SYNE1: variants seen among roughly 807,000 people sequenced by gnomAD.
SYNE1 encodes the protein spectrin repeat containing nuclear envelope protein 1.
In SYNE1, 616 loss-of-function variants were observed where a neutral mutation model predicts 1,111.0. The observed-to-expected ratio is 0.55, with a 90% CI of 0.52 to 0.59. The LOEUF (loss-of-function observed/expected upper bound fraction) is 0.59. SYNE1 is among the 20% of genes least tolerant of loss of function. The pLI is 0.00. For missense variants in SYNE1, 10,006 were observed against 10,417.0 expected, an observed-to-expected ratio of 0.96 and a Z score of 1.72; for synonymous variants, 3,855 against 3,825.8, an observed-to-expected ratio of 1.01 and a Z score of -0.28.
chr6:152,176,693 T>C (rs2153136123), intron 129 of SYNE1, 133 bp from the exon 130 acceptor site: 1 of 885,576 alleles, frequency 1.1e-6, no homozygotes, highest in South Asian at 1.4e-5. Flanking sequence ...ACCATGTGGA[T>C]ATCAGCCCAT....
At chr6:152,367,595 A>G (rs527700682) in intron 61 of SYNE1, 29 of 591,904 alleles carry the variant, frequency 4.9e-5, no homozygotes, top group South Asian at 1.6e-4. Context: ...AAAAAGTTAC[A>G]ATTTTATGCC....
At chr6:152,204,091 C>T (rs1269489197) in intron 126 of SYNE1, among the ~76,000 whole-genome samples, 1 of 152,114 alleles carries the variant, frequency 6.6e-6, no homozygotes, top group Non-Finnish European at 1.5e-5. Flanking sequence ...ATCACGGGTG[C>T]TGTGACCCAC....
intron 11 of SYNE1, among the ~76,000 whole-genome samples, chr6:152,491,067 G>A (rs113506221): frequency 0.018 from 2,778 of 152,222 alleles, 47 homozygotes; most frequent in Admixed American, 0.046. Context: ...TTTAATCACC[G>A]TGTGGATGCC....
intron 91 of SYNE1, among the ~76,000 whole-genome samples, chr6:152,303,327 C>T (rs747614199): frequency 2.0e-5 from 3 of 149,334 alleles, no homozygotes; most frequent in East Asian, 3.9e-4. Context: ...TGCTTGAACC[C>T]GGGAGATGGA....
chr6:152,286,705 G>T (rs1472809964), intron 95 of SYNE1, among the ~76,000 whole-genome samples: 1 of 152,162 alleles, frequency 6.6e-6, no homozygotes, highest in Non-Finnish European at 1.5e-5. Flanking sequence ...AGGAGTGCCT[G>T]TGTTTCTTTT....
chr6:152,154,954 C>T lies in SYNE1; in HGVS notation c.24067G>A (p.Ala8023Thr). 6.2e-7 allele frequency: 1 copy of T among 1,614,196 alleles called. No individual in the cohort carries two copies. Among genetic ancestry groups the T allele is most frequent in the South Asian group, 1.1e-5 (1 of 91,082 alleles). Reference sequence around the variant, plus strand: ...ATCACCCCAGAAGAGCTGGGAAAAGCAGCTGTCCTTTCTGAAGACTTCAGC... The same window carrying T: ...ATCACCCCAGAAGAGCTGGGAAAAGTAGCTGTCCTTTCTGAAGACTTCAGC... The part of the protein sequence containing the change: ...DWLKSSERTA[A>T]FPSSSGVIYT... The change falls in exon 133 of 146, where the codon GCT becomes ACT. Residue 8023 changes from alanine (A) to threonine (T), a missense_variant. Coordinates refer to ENST00000367255, the MANE Select transcript of SYNE1 (RefSeq NM_182961.4).
chr6:152,204,324 C>T (rs2076087494), intron 126 of SYNE1, among the ~76,000 whole-genome samples: 1 of 150,106 alleles, frequency 6.7e-6, no homozygotes, highest in African/African-American at 2.5e-5. Context: ...CAAGACTGCA[C>T]CACAGCACTC....
At chr6:152,274,973 A>G (rs2093491868) in intron 98 of SYNE1, among the ~76,000 whole-genome samples, 1 of 152,050 alleles carries the variant, frequency 6.6e-6, no homozygotes, top group Admixed American at 6.6e-5. Flanking sequence ...TGCAGCCTCA[A>G]CCACCTGGGC....
At chr6:152,350,804 C>T in intron 70 of SYNE1, 34 bp from the exon 71 acceptor site, 2 of 1,613,652 alleles carry the variant, frequency 1.2e-6, no homozygotes, top group South Asian at 1.1e-5. Flanking sequence ...TGAGCCTGCT[C>T]ATCTCCGTGG....
chr6:152,265,200 T>C (rs1386513561), intron 100 of SYNE1, among the ~76,000 whole-genome samples: 1 of 122,336 alleles, frequency 8.2e-6, no homozygotes, highest in Non-Finnish European at 1.7e-5. Context: ...AGCAAGACTC[T>C]GTCTCAGAAA....
chr6:152,168,343 C>T, intron 130 of SYNE1: 1 of 595,982 alleles, frequency 1.7e-6, no homozygotes, highest in Non-Finnish European at 3.0e-6. Flanking sequence ...TGCCCGATAA[C>T]ATGACACTGG....
intron 47 of SYNE1, 102 bp downstream of exon 47, chr6:152,401,036 G>T: frequency 8.6e-7 from 1 of 1,167,198 alleles, no homozygotes; most frequent in Non-Finnish European, 1.2e-6. Context: ...GTGTTCATAT[G>T]GGTAACTGAG....
At chr6:152,138,805 T>C (rs2057721321) in intron 140 of SYNE1, among the ~76,000 whole-genome samples, 2 of 152,086 alleles carry the variant, frequency 1.3e-5, no homozygotes, top group Non-Finnish European at 2.9e-5. Context: ...CTCACAATAG[T>C]CTCCATATAT....
intron 3 of SYNE1, among the ~76,000 whole-genome samples, chr6:152,605,910 T>C (rs1219907398): frequency 6.6e-6 from 1 of 152,180 alleles, no homozygotes; most frequent in Non-Finnish European, 1.5e-5. Flanking sequence ...GTTATTCAAG[T>C]AGTTCATACC....
At chr6:152,474,013 G>A (rs1307196557) in intron 14 of SYNE1, among the ~76,000 whole-genome samples, 13 of 151,900 alleles carry the variant, frequency 8.6e-5, no homozygotes, top group South Asian at 4.2e-4. Context: ...GTGAAACCCC[G>A]TCTCTACTAA....
At chr6:152,193,422 A>G (rs2073113986) in intron 127 of SYNE1, among the ~76,000 whole-genome samples, 1 of 152,158 alleles carries the variant, frequency 6.6e-6, no homozygotes, top group Non-Finnish European at 1.5e-5. Context: ...GATTCAAGCA[A>G]TTCTCATGCT....
chr6:152,211,461 C>A (rs2077508273), intron 124 of SYNE1, 33 bp downstream of exon 124: 7 of 1,566,580 alleles, frequency 4.5e-6, no homozygotes, highest in Middle Eastern at 1.7e-4. Context: ...TTTACTGGAA[C>A]CTTTCTTTGT....
chr6:152,301,500 C>T (rs1439811046), intron 92 of SYNE1, among the ~76,000 whole-genome samples: 5 of 152,150 alleles, frequency 3.3e-5, no homozygotes, highest in Non-Finnish European at 7.4e-5. Context: ...GTGGAGACCA[C>T]AACTAAATAT....
intron 15 of SYNE1, 168 bp from the exon 16 acceptor site, chr6:152,471,933 A>G: frequency 1.4e-6 from 1 of 702,122 alleles, no homozygotes; most frequent in East Asian, 2.7e-5. Context: ...TGGATTTAAA[A>G]GCAAAGCATG....
Sources: allele counts gnomAD v4.1 joint callset (sites outside exome capture counted in the v4.1 genomes callset), GRCh38; gene constraint gnomAD v4.1.1; transcripts MANE v1.5; gene names NCBI Gene and HGNC (gene_info 2026-07-23, HGNC 2026-07-21).